HSDL1: variants seen among roughly 807,000 people sequenced by gnomAD.
The protein encoded by HSDL1 is inactive hydroxysteroid dehydrogenase-like protein 1.
In HSDL1, 29 loss-of-function variants were observed where a neutral mutation model predicts 31.5. The ratio of observed to expected loss-of-function variants is 0.92; its 90% CI spans 0.69 to 1.26. The LOEUF (loss-of-function observed/expected upper bound fraction) is 1.26, where lower values mean the gene tolerates loss of function less well. Among genes scored for constraint, HSDL1 ranks in the 50% most tolerant of loss-of-function variants. HSDL1 has a pLI of 0.00. For missense variants in HSDL1, 503 were observed against 416.6 expected, an observed-to-expected ratio of 1.21 and a Z score of -1.81; for synonymous variants, 222 against 155.2, an observed-to-expected ratio of 1.43 and a Z score of -3.20.
At position 84,130,403 on chromosome 16, in the gene HSDL1, G is replaced by T; in HGVS notation, c.249C>A (p.Tyr83Ter). The change falls in exon 4 of 6, where the codon TAC becomes TAA. Residue 83 changes from tyrosine to a stop codon, truncating the protein, a stop_gained. Coordinates refer to ENST00000219439, the MANE Select transcript of HSDL1 (RefSeq NM_031463.5). LOFTEE classifies it high-confidence loss of function. ...SGATDGIGKA[Y>*]AEELASRGLN... Reference sequence around the variant, plus strand: ...GACCTCGGCTTGCTAACTCTTCAGCGTAGGCTTTTCCAATCCCATCTGTTG... The same window carrying T: ...GACCTCGGCTTGCTAACTCTTCAGCTTAGGCTTTTCCAATCCCATCTGTTG... The T allele has an allele frequency of 1.2e-6, 2 of 1,611,762 alleles. No individual in the cohort carries two copies. The highest frequency in any genetic ancestry group is 1.1e-5 in the South Asian group (1 of 90,854).
At chr16:84,140,537 T>A (rs2086756597) in intron 1 of HSDL1, among the ~76,000 whole-genome samples, 1 of 151,972 alleles carries the variant, frequency 6.6e-6, no homozygotes, top group Non-Finnish European at 1.5e-5. Context: ...AGTGCTGGGA[T>A]TACAGGCGTG....
intron 1 of HSDL1, among the ~76,000 whole-genome samples, chr16:84,144,723 G>C (rs1040192254): frequency 1.3e-5 from 2 of 151,862 alleles, no homozygotes; most frequent in Non-Finnish European, 2.9e-5. Flanking sequence ...GCGACAACGG[G>C]GTTCGCGGTT....
chr16:84,141,315 T>C (rs146112678), intron 1 of HSDL1, among the ~76,000 whole-genome samples: 1 of 151,618 alleles, frequency 6.6e-6, no homozygotes, highest in East Asian at 1.9e-4. Context: ...CTGGTTCAGA[T>C]ACACCACGAT....
chr16:84,142,935 C>G (rs1271354373), intron 1 of HSDL1, among the ~76,000 whole-genome samples: 1 of 152,222 alleles, frequency 6.6e-6, no homozygotes, highest in Non-Finnish European at 1.5e-5. Context: ...TTTACCTTCA[C>G]TGCCAATTTT....
At position 84,134,870 on chromosome 16, in the gene HSDL1, A is replaced by G. The variant is rs150329903; in HGVS notation, c.-7+674T>C. ...CTAAAGAAACCTAGACACTTGGAAT[A>G]TTAAGCTTATTCTTCTAATAACAGG... is the stretch of plus-strand genomic sequence containing the variant. On this transcript the variant is annotated intron_variant, in intron 2 of 5. Transcript: ENST00000219439. 9.6e-3 allele frequency among the ~76,000 whole-genome samples: 1,469 copies of G among 152,352 alleles called. 25 individuals are homozygous for G. Among genetic ancestry groups the G allele is most frequent in the African/African-American group, 0.034 (1,396 of 41,578 alleles).
In HSDL1 at chr16:84,129,746, C is replaced by T; in HGVS notation, c.696G>A (p.Leu232=). 1 of 1,614,098 alleles carries T rather than the reference C, an allele frequency of 6.2e-7. No individual in the cohort carries two copies. Among genetic ancestry groups the T allele is most frequent in the Non-Finnish European group, 8.5e-7 (1 of 1,179,964 alleles). Residue 232 remains leucine (L), a synonymous_variant, in exon 5 of 6, where the codon TTG becomes TTA. Transcript: ENST00000219439. ...KAYLDHFSRA[L]QYEYASKGIF... ...TTCCTTTAGAGGCATATTCATATTG[C>T]AAGGCTCTGCTGAAGTGGTCTAAAT...
intron 1 of HSDL1, chr16:84,139,292 A>G (rs2086743249): frequency 6.6e-6 from 1 of 152,266 alleles, no homozygotes; most frequent in African/African-American, 2.4e-5. Flanking sequence ...GGTGGGTCCA[A>G]TGTCATCATG....
intron 1 of HSDL1, among the ~76,000 whole-genome samples, chr16:84,135,945 C>T (rs1183368251): frequency 6.6e-6 from 1 of 152,232 alleles, no homozygotes; most frequent in Non-Finnish European, 1.5e-5. Context: ...GAAACACCGC[C>T]CAGGCACCAG....
rs1311423968 is a variant in HSDL1 at position 84,124,409 on chromosome 16, C to T, written c.*221G>A. On this transcript the variant is annotated 3_prime_UTR_variant, in exon 6 of 6. Coordinates refer to ENST00000219439, the MANE Select transcript of HSDL1 (RefSeq NM_031463.5). ...GGAAAAAGCACTGAAATGTAGATGT[C>T]GTCAATCAGCCTCAGGCATTATTGA... The T allele has an allele frequency of 9.7e-6, 4 of 413,116 alleles. No homozygotes were observed. The East Asian group carries it at 1.2e-4, about 13-fold the overall frequency. The allele number at this position is 413,116 out of a possible 1,614,324, so 25.6% of individuals were successfully genotyped here. A position where few individuals can be genotyped will look rare whatever the true frequency, so the allele number is the denominator to read the frequency against.
rs1039842412 is a variant in HSDL1 at position 84,123,727 on chromosome 16, G to T, written c.*903C>A. ...AAAACCAGATATAACAAGCTCTAAA[G>T]GGCTAAATTTCAGTTATAAAATGGG... On this transcript the variant is annotated 3_prime_UTR_variant, in exon 6 of 6. Transcript: ENST00000219439. 2 of 152,474 alleles carry T rather than the reference G, an allele frequency of 1.3e-5. No individual in the cohort carries two copies. The highest frequency in any genetic ancestry group is 2.4e-5 in the African/African-American group (1 of 41,418). 9.4% of individuals were successfully genotyped at this position (152,474 alleles called of 1,614,324 possible). A position where few individuals can be genotyped will look rare whatever the true frequency, so the allele number is the denominator to read the frequency against.
At chr16:84,125,589 T>C (rs1240244899) in intron 5 of HSDL1, among the ~76,000 whole-genome samples, 2 of 152,106 alleles carry the variant, frequency 1.3e-5, no homozygotes, top group South Asian at 2.1e-4. Flanking sequence ...TCACAACAAA[T>C]ACCCACCAAT....
intron 2 of HSDL1, 86 bp from the exon 3 acceptor site, chr16:84,131,413 G>A (rs2086664717): frequency 2.2e-6 from 2 of 913,970 alleles, no homozygotes; most frequent in African/African-American, 1.6e-5. Context: ...TCCAGCTGAG[G>A]GCATCAGATC....
intron 5 of HSDL1, among the ~76,000 whole-genome samples, chr16:84,126,597 C>T (rs972134371): frequency 6.6e-6 from 1 of 152,152 alleles, no homozygotes; most frequent in South Asian, 2.1e-4. Flanking sequence ...ACCGTGTATA[C>T]GAAAGAGAAG....
chr16:84,135,317 T>C (rs1005229544), intron 2 of HSDL1, among the ~76,000 whole-genome samples: 2 of 151,944 alleles, frequency 1.3e-5, no homozygotes, highest in African/African-American at 4.8e-5. Context: ...AAGCAGTATT[T>C]GTGGGGAAAT....
chr16:84,140,701 A>G (rs1005990907), intron 1 of HSDL1, among the ~76,000 whole-genome samples: 2 of 152,228 alleles, frequency 1.3e-5, no homozygotes, highest in Non-Finnish European at 2.9e-5. Context: ...CTCTGATTAC[A>G]GCCCCTCCTC....
intron 5 of HSDL1, among the ~76,000 whole-genome samples, chr16:84,127,660 C>T (rs1248016985): frequency 6.8e-6 from 1 of 148,098 alleles, no homozygotes; most frequent in Non-Finnish European, 1.5e-5. Flanking sequence ...ATTAAGAAAA[C>T]TCCGAATATT....
chr16:84,135,156 C>T (rs1597377204), intron 2 of HSDL1, among the ~76,000 whole-genome samples: 1 of 151,560 alleles, frequency 6.6e-6, no homozygotes, highest in Non-Finnish European at 1.5e-5. Flanking sequence ...TGGCATGAAC[C>T]GGGGAGGCAG....
intron 1 of HSDL1, among the ~76,000 whole-genome samples, chr16:84,139,667 T>A (rs1244613372): frequency 6.6e-6 from 1 of 152,182 alleles, no homozygotes; most frequent in Non-Finnish European, 1.5e-5. Context: ...GAGGAAGGGA[T>A]GGATGAACAG....
chr16:84,138,688 C>T (rs1432378834), intron 1 of HSDL1, among the ~76,000 whole-genome samples: 1 of 152,016 alleles, frequency 6.6e-6, no homozygotes, highest in Non-Finnish European at 1.5e-5. Context: ...AAAACTAAAA[C>T]ATCTGTGAAC....
Sources: allele counts gnomAD v4.1 joint callset (sites outside exome capture counted in the v4.1 genomes callset), GRCh38; gene constraint gnomAD v4.1.1; transcripts MANE v1.5; gene names NCBI Gene and HGNC (gene_info 2026-07-23, HGNC 2026-07-21).